CEP350: variants seen among roughly 807,000 people sequenced by gnomAD.
CEP350 encodes centrosome-associated protein 350.
Under a neutral mutation model 331.8 loss-of-function variants are expected in CEP350, and 126 were observed. The observed-to-expected ratio is 0.38, with a 90% CI of 0.33 to 0.44. The LOEUF (loss-of-function observed/expected upper bound fraction) is 0.44. Among genes scored for constraint, CEP350 ranks in the 20% least tolerant of loss-of-function variants. CEP350 has a pLI of 1.00. For missense variants in CEP350, 3,406 were observed against 3,634.6 expected (o/e 0.94, Z 1.62); for synonymous variants, 1,200 against 1,259.5 (o/e 0.95, Z 1.00).
chr1:180,033,095 T>C (rs999064173), intron 15 of CEP350, among the ~76,000 whole-genome samples: 4 of 152,172 alleles, frequency 2.6e-5, no homozygotes, highest in African/African-American at 7.2e-5. Context: ...GCAATATAAC[T>C]GTGCTAAAAT....
In CEP350 at chr1:179,996,642, A is replaced by G. The variant is rs934671003; in HGVS notation, c.485A>G (p.Glu162Gly). ...YCVDVNEEKT[E>G]SGNWMIGSRE... is the part of the protein sequence containing the mutation. ...GTAGATGTTAATGAAGAAAAGACTGAGAGCGGTAACTGGATGATAGGCAGT... is the reference window on the plus strand; with the variant it reads ...GTAGATGTTAATGAAGAAAAGACTGGGAGCGGTAACTGGATGATAGGCAGT... Residue 162 changes from glutamate to glycine, a missense_variant, in exon 6 of 38, where the codon GAG becomes GGG. Physicochemically the swap from Glu to Gly is moderately conservative, Grantham distance 98. Around this residue, in one of 5 missense-constraint regions of CEP350, gnomAD observed 1,857 missense variants for 1,909.2 expected, o/e 0.97. Coordinates refer to ENST00000367607, the MANE Select transcript of CEP350 (RefSeq NM_014810.5). 8 of 1,612,514 alleles carry G rather than the reference A, an allele frequency of 5.0e-6. No individual in the cohort carries two copies. Among genetic ancestry groups the G allele is most frequent in the East Asian group, 2.2e-5 (1 of 44,834 alleles).
chr1:180,032,658 G>A (rs1656098259), intron 15 of CEP350, among the ~76,000 whole-genome samples: 1 of 150,186 alleles, frequency 6.7e-6, no homozygotes, highest in Non-Finnish European at 1.5e-5. Flanking sequence ...CTATTTGCCT[G>A]TAGTCACTCT....
intron 1 of CEP350, among the ~76,000 whole-genome samples, chr1:179,980,430 A>AT (rs1305287510): frequency 2.0e-5 from 3 of 150,388 alleles, no homozygotes; most frequent in African/African-American, 4.9e-5. Context: ...ATTAGTTCTA[A>AT]TTTTTTTTTG....
intron 37 of CEP350, among the ~76,000 whole-genome samples, chr1:180,099,780 A>ATTTTTTTT (rs200255438): frequency 1.8e-4 from 22 of 119,516 alleles, no homozygotes; most frequent in East Asian, 9.5e-4. Context: ...GCCTTATTTG[A>ATTTTTTTT]TTTTTTTTTT....
At chr1:179,956,240 G>A (rs1430384690) in intron 1 of CEP350, among the ~76,000 whole-genome samples, 1 of 152,168 alleles carries the variant, frequency 6.6e-6, no homozygotes, top group East Asian at 1.9e-4. Context: ...TTAATGTAAT[G>A]AAATAAATCT....
chr1:179,990,142 C>T (rs761901193), intron 3 of CEP350, among the ~76,000 whole-genome samples: 11 of 151,494 alleles, frequency 7.3e-5, no homozygotes, highest in African/African-American at 2.4e-4. Flanking sequence ...CCTGAGATCA[C>T]GCCACTGCAC....
Position 180,047,995 on chromosome 1 carries a change from A to G in CEP350, c.4623-541A>G, listed in dbSNP as rs551873775. Among the ~76,000 whole-genome samples, 6 of 152,310 alleles carry G rather than the reference A, an allele frequency of 3.9e-5. No homozygotes were observed. In the South Asian group the frequency reaches 1.2e-3, roughly 32 times the overall value. On this transcript the variant is annotated intron_variant, in intron 21 of 37. Transcript: ENST00000367607. ...TTGCAAGAATAATAGAAAGTCCTCA[A>G]ATATCTTTCATCCAGATTATTCTAA...
At chr1:180,029,078 T>G (rs1329382637) in intron 14 of CEP350, among the ~76,000 whole-genome samples, 1 of 152,082 alleles carries the variant, frequency 6.6e-6, no homozygotes, top group African/African-American at 2.4e-5. Context: ...TGAAAAGGAG[T>G]GTCTGCCTGC....
chr1:180,016,478 G>T (rs1035513551), intron 11 of CEP350, among the ~76,000 whole-genome samples: 5 of 152,002 alleles, frequency 3.3e-5, no homozygotes, highest in African/African-American at 1.2e-4. Context: ...CTTTTTTGCT[G>T]TAATATATTG....
intron 5 of CEP350, among the ~76,000 whole-genome samples, chr1:179,994,256 AT>A (rs1211067451): frequency 1.3e-5 from 2 of 152,146 alleles, no homozygotes; most frequent in Non-Finnish European, 2.9e-5. Context: ...AGAGTGGGAC[AT>A]GGTACGTAAC....
In CEP350 at chr1:180,020,629, G is replaced by A. The variant is rs1271698643; in HGVS notation, c.2855G>A (p.Cys952Tyr). The change falls in exon 12 of 38, where the codon TGT becomes TAT. Residue 952 changes from cysteine to tyrosine, a missense_variant. Coordinates refer to ENST00000367607, the MANE Select transcript of CEP350 (RefSeq NM_014810.5). ...PKPEGLLAQL[C>Y]KRQTDSSSSD... ...CCAGAAGGGCTACTGGCACAGTTAT[G>A]TAAAAGGCAGACTGACTCTTCTAGC... 2 of 1,613,968 alleles carry A rather than the reference G, an allele frequency of 1.2e-6. No individual in the cohort carries two copies. Among genetic ancestry groups the A allele is most frequent in the Non-Finnish European group, 8.5e-7 (1 of 1,179,888 alleles).
At chr1:180,087,396 GAGA>G (rs1298633145) in intron 31 of CEP350, 179 bp from the exon 32 acceptor site, 26 of 442,170 alleles carry the variant, frequency 5.9e-5, no homozygotes, top group Non-Finnish European at 9.8e-5. Flanking sequence ...AGATTATTTT[GAGA>G]AGGATGTACA....
intron 1 of CEP350, among the ~76,000 whole-genome samples, chr1:179,963,844 T>C (rs1291340123): frequency 6.6e-6 from 1 of 152,158 alleles, no homozygotes; most frequent in East Asian, 1.9e-4. Context: ...TTTAGAATTG[T>C]TTTTTCTAAT....
intron 1 of CEP350, among the ~76,000 whole-genome samples, chr1:179,974,053 T>G (rs542787518): frequency 4.1e-4 from 62 of 149,498 alleles, no homozygotes; most frequent in African/African-American, 1.2e-3. Flanking sequence ...CTGTTTTTTT[T>G]TTGTTGTTGT....
chr1:180,058,189 A>C (rs2148991934), intron 25 of CEP350, among the ~76,000 whole-genome samples: 1 of 152,368 alleles, frequency 6.6e-6, no homozygotes, highest in South Asian at 2.1e-4. Flanking sequence ...CAATAAAAGA[A>C]TAGATGAAAT....
At chr1:180,082,096 A>G (rs1364553275) in intron 30 of CEP350, among the ~76,000 whole-genome samples, 1 of 152,204 alleles carries the variant, frequency 6.6e-6, no homozygotes. Context: ...TTCTTTGCCA[A>G]TACTGGATTA....
chr1:180,025,721 G>A (rs1000300499), intron 14 of CEP350, among the ~76,000 whole-genome samples: 1 of 152,126 alleles, frequency 6.6e-6, no homozygotes, highest in African/African-American at 2.4e-5. Context: ...ACACGGGGAG[G>A]GGATCATCAC....
intron 1 of CEP350, among the ~76,000 whole-genome samples, chr1:179,962,411 T>G (rs1650701160): frequency 6.6e-6 from 1 of 152,090 alleles, no homozygotes; most frequent in African/African-American, 2.4e-5. Context: ...TTTGTTTGTT[T>G]GTTTTGTTTT....
chr1:179,977,551 A>T (rs913069633), intron 1 of CEP350, among the ~76,000 whole-genome samples: 2 of 152,182 alleles, frequency 1.3e-5, no homozygotes, highest in African/African-American at 4.8e-5. Context: ...ATTATTTCTT[A>T]TATCACTTGA....
Sources: allele counts gnomAD v4.1 joint callset (sites outside exome capture counted in the v4.1 genomes callset), GRCh38; gene constraint gnomAD v4.1.1; regional missense constraint gnomAD v4.1.1; transcripts MANE v1.5; gene names NCBI Gene and HGNC (gene_info 2026-07-23, HGNC 2026-07-21).